The following CNDP2 variants were observed in gnomAD, a reference collection of about 807,000 sequenced individuals.
The protein encoded by CNDP2 is cytosolic non-specific dipeptidase.
In CNDP2, 38 loss-of-function variants were observed where a neutral mutation model predicts 55.0. That is an observed-to-expected ratio of 0.69 (90% CI 0.53 to 0.90). The LOEUF is 0.90. CNDP2 is among the 40% of genes least tolerant of loss of function. The pLI is 0.00. For missense variants in CNDP2, 607 were observed against 621.7 expected (o/e 0.98, Z 0.25); for synonymous variants, 241 against 260.2 (o/e 0.93, Z 0.71).
intron 9 of CNDP2, chr18:74,516,639 G>A (rs543344323): frequency 5.6e-5 from 26 of 465,272 alleles, no homozygotes; most frequent in African/African-American, 4.5e-4. Flanking sequence ...TCACCTCAAG[G>A]CTCCAGGCCA....
At chr18:74,509,747 GTA>G in intron 5 of CNDP2, 1 of 144,888 alleles carries the variant, frequency 6.9e-6, no homozygotes, top group South Asian at 2.2e-4. Flanking sequence ...AAGACAGTTA[GTA>G]TTTTGAAATC....
At chr18:74,513,418 T>C in intron 7 of CNDP2, 141 bp from the exon 8 acceptor site, 1 of 817,804 alleles carries the variant, frequency 1.2e-6, no homozygotes, top group Non-Finnish European at 1.8e-6. Flanking sequence ...GTGGCTGCTC[T>C]TGGCCCCTCC....
intron 4 of CNDP2, 46 bp from the exon 5 acceptor site, chr18:74,508,794 G>A (rs955688585): frequency 6.6e-7 from 1 of 1,523,438 alleles, no homozygotes. Context: ...CTGCTTCTGG[G>A]TTCCTTGTAA....
intron 4 of CNDP2, 120 bp downstream of exon 4, chr18:74,506,131 A>G: frequency 2.1e-6 from 2 of 961,698 alleles, no homozygotes; most frequent in Non-Finnish European, 1.4e-6. Flanking sequence ...TTATTTTATT[A>G]CTTTTTAAAA....
At chr18:74,498,373 A>G (rs1034239221) in intron 1 of CNDP2, among the ~76,000 whole-genome samples, 1 of 152,132 alleles carries the variant, frequency 6.6e-6, no homozygotes, top group African/African-American at 2.4e-5. Flanking sequence ...GTATCTAAAC[A>G]TATCTAGACA....
chr18:74,508,852 G>A lies in CNDP2; in HGVS notation c.380G>A (p.Gly127Glu), dbSNP rs752574624. ...ATTGCTGTTCTAGGCAAGCTGTATG[G>A]GAGAGGTTCGACTGATGATAAGGGC... ...TLVERDGKLY[G>E]RGSTDDKGPV... The change falls in exon 5 of 12, where the codon GGG becomes GAG. Residue 127 changes from glycine to glutamate, a missense_variant. Transcript: ENST00000324262. 6.2e-7 allele frequency: 1 copy of A among 1,613,914 alleles called. No individual in the cohort carries two copies. The highest frequency in any genetic ancestry group is 8.5e-7 in the Non-Finnish European group (1 of 1,179,944).
intron 5 of CNDP2, chr18:74,509,140 T>C (rs1486880886): frequency 1.9e-6 from 1 of 537,202 alleles, no homozygotes; most frequent in East Asian, 2.9e-5. Context: ...GTTTTACAGC[T>C]GCTTAAAGGT....
chr18:74,501,686 C>A lies in CNDP2; in HGVS notation c.204+214C>A, dbSNP rs564087645. Among the ~76,000 whole-genome samples the A allele has an allele frequency of 4.3e-3, 660 of 152,230 alleles. 1 individual carries two copies. The highest frequency in any genetic ancestry group is 6.9e-3 in the Non-Finnish European group (472 of 68,010). On this transcript the variant is annotated intron_variant, in intron 3 of 11. Coordinates refer to ENST00000324262, the MANE Select transcript of CNDP2 (RefSeq NM_018235.3). Reference sequence around the variant, plus strand: ...TTTTGTGGCACTCAGCATTTTTCTCCAGGAAGGAGAACTGCTGACAGTTAC... The same window carrying A: ...TTTTGTGGCACTCAGCATTTTTCTCAAGGAAGGAGAACTGCTGACAGTTAC...
Position 74,510,834 on chromosome 18 carries a change from T to C in CNDP2, c.478T>C (p.Phe160Leu). 1 of 1,614,066 alleles carries C rather than the reference T, an allele frequency of 6.2e-7. No individual in the cohort carries two copies. The change falls in exon 6 of 12, where the codon TTC becomes CTC. Residue 160 changes from phenylalanine (F) to leucine (L), a missense_variant. By Grantham distance (22) the Phe-to-Leu change is conservative. Transcript: ENST00000324262. ...TGQEIPVNVR[F>L]CLEGMEESGS... Reference sequence around the variant, plus strand: ...ACAGGAGATTCCTGTCAACGTCCGATTCTGCCTCGAAGGCATGGAGGAGTC... The same window carrying C: ...ACAGGAGATTCCTGTCAACGTCCGACTCTGCCTCGAAGGCATGGAGGAGTC...
rs931218701 is a variant in CNDP2, at chr18:74,521,767, C to T, written c.*1699C>T. The T allele has an allele frequency of 6.6e-6, 1 of 152,252 alleles. No homozygotes were observed. The highest frequency in any genetic ancestry group is 2.4e-5 in the African/African-American group (1 of 41,462). The allele number at this position is 152,252 out of a possible 1,614,324, so 9.4% of individuals were successfully genotyped here. A position where few individuals can be genotyped will look rare whatever the true frequency, so the allele number is the denominator to read the frequency against. ...AAGGTGGGAGATCAAAGCTGGAGCACTTGCTGCTGCAGGTGAGACCCCTGA... is the reference window on the plus strand; with the variant it reads ...AAGGTGGGAGATCAAAGCTGGAGCATTTGCTGCTGCAGGTGAGACCCCTGA... On this transcript the variant is annotated 3_prime_UTR_variant, in exon 12 of 12. Coordinates refer to ENST00000324262, the MANE Select transcript of CNDP2 (RefSeq NM_018235.3).
rs370567477 is a variant in CNDP2, at chr18:74,516,211, C to G, written c.904-17C>G. 94 of 1,600,972 alleles carry G rather than the reference C, an allele frequency of 5.9e-5. 1 individual carries two copies. The highest frequency in any genetic ancestry group is 7.7e-5 in the Non-Finnish European group (90 of 1,172,902). Reference sequence around the variant, plus strand: ...CTGAATGCCTGAGGTGTCCCTGACCCTCTGATTTTTCTGCAGAAAGACATC... The same window carrying G: ...CTGAATGCCTGAGGTGTCCCTGACCGTCTGATTTTTCTGCAGAAAGACATC... On this transcript the variant is annotated splice_polypyrimidine_tract_variant and intron_variant, in intron 8 of 11. Transcript: ENST00000324262.
chr18:74,518,317 GC>G (rs1280971312), intron 9 of CNDP2, 181 bp from the exon 10 acceptor site: 2 of 578,000 alleles, frequency 3.5e-6, no homozygotes, highest in Non-Finnish European at 6.1e-6. Flanking sequence ...TAGTTATGTA[GC>G]TCAGTATTAA....
At chr18:74,511,403 G>A (rs1418932589) in intron 6 of CNDP2, among the ~76,000 whole-genome samples, 1 of 152,150 alleles carries the variant, frequency 6.6e-6, no homozygotes, top group Non-Finnish European at 1.5e-5. Context: ...ACTAAGTGAC[G>A]CACGGGAAAA....
At chr18:74,518,198 C>G (rs960597674) in intron 9 of CNDP2, 3 of 196,102 alleles carry the variant, frequency 1.5e-5, no homozygotes, top group Non-Finnish European at 3.2e-5. Flanking sequence ...GGAGGCGGAG[C>G]TTGCAGTGAG....
intron 3 of CNDP2, among the ~76,000 whole-genome samples, chr18:74,503,349 C>T (rs1030210851): frequency 1.5e-4 from 23 of 152,118 alleles, no homozygotes; most frequent in African/African-American, 4.3e-4. Flanking sequence ...GTTCTCTTCC[C>T]GCATGTCCAT....
At chr18:74,506,104 TTTTTA>T (rs1491257239) in intron 4 of CNDP2, 93 bp downstream of exon 4, 2 of 1,115,026 alleles carry the variant, frequency 1.8e-6, no homozygotes, top group Non-Finnish European at 2.3e-6. Flanking sequence ...GTACAGACTG[TTTTTA>T]TTTTATTTTA....
At position 74,510,469 on chromosome 18, in the gene CNDP2, C is replaced by T. The variant is rs565457471; in HGVS notation, c.457-344C>T. On this transcript the variant is annotated intron_variant, in intron 5 of 11. Coordinates refer to ENST00000324262, the MANE Select transcript of CNDP2 (RefSeq NM_018235.3). Reference sequence around the variant, plus strand: ...CGAAGGTCACACAGGAGGACCCGCACCTCCTCGTGTCGGTGGCTCCGCTGG... The same window carrying T: ...CGAAGGTCACACAGGAGGACCCGCATCTCCTCGTGTCGGTGGCTCCGCTGG... 3.9e-5 allele frequency among the ~76,000 whole-genome samples: 6 copies of T among 152,348 alleles called. No individual in the cohort carries two copies. The South Asian group carries it at 8.3e-4, about 21-fold the overall frequency.
At chr18:74,505,544 A>C (rs1219620647) in intron 3 of CNDP2, among the ~76,000 whole-genome samples, 1 of 151,540 alleles carries the variant, frequency 6.6e-6, no homozygotes, top group East Asian at 1.9e-4. Context: ...GGTTGCAATG[A>C]GCTGGGATCA....
At chr18:74,516,421 G>A (rs1241959495) in intron 9 of CNDP2, 29 bp downstream of exon 9, 2 of 1,584,254 alleles carry the variant, frequency 1.3e-6, no homozygotes, top group African/African-American at 1.3e-5. Context: ...CGGGGTGGGG[G>A]CCAAGAGCTA....
Sources: allele counts gnomAD v4.1 joint callset (sites outside exome capture counted in the v4.1 genomes callset), GRCh38; gene constraint gnomAD v4.1.1; transcripts MANE v1.5; gene names NCBI Gene and HGNC (gene_info 2026-07-23, HGNC 2026-07-21).